The following RXRA variants were observed in gnomAD, a reference collection of about 807,000 sequenced individuals.
RXRA encodes the protein retinoic acid receptor RXR-alpha.
In RXRA, 5 loss-of-function variants were observed where a neutral mutation model predicts 44.5. The observed-to-expected ratio is 0.11, with a 90% CI of 0.06 to 0.24. RXRA has a LOEUF of 0.24. Ranked by LOEUF, RXRA falls within the 10% of genes least tolerant of loss-of-function variation. RXRA has a pLI of 1.00. For synonymous variants in RXRA, 291 were observed against 271.4 expected, an observed-to-expected ratio of 1.07 and a Z score of -0.71; for missense variants, 412 against 646.5, an observed-to-expected ratio of 0.64 and a Z score of 3.93.
rs555813163 is a variant in RXRA, at chr9:134,411,663, C to T, written c.610+2544C>T. On this transcript the variant is annotated intron_variant, in intron 4 of 9. Transcript: ENST00000481739. ...CAAGGGACCTCCTCCCCTTTGCCTC[C>T]AGCAGGATTCTGAGGCGTGAACTTG... Among the ~76,000 whole-genome samples, 128 of 152,356 alleles carry T rather than the reference C, an allele frequency of 8.4e-4. 1 individual carries two copies. The highest frequency in any genetic ancestry group is 2.9e-3 in the African/African-American group (120 of 41,594).
rs1830111246 is a variant in RXRA at position 134,343,527 on chromosome 9, GT to G, written c.28+16870del. 1.3e-5 allele frequency among the ~76,000 whole-genome samples: 2 copies of G among 152,130 alleles called. No homozygotes were observed. Among genetic ancestry groups the G allele is most frequent in the African/African-American group, 2.4e-5 (1 of 41,404 alleles). On this transcript the variant is annotated intron_variant, in intron 1 of 9. Transcript: ENST00000481739. The surrounding 1 kb of genome is among the most constrained non-coding windows in gnomAD (Gnocchi z 4.1). Reference sequence around the variant, plus strand: ...AAGAAGCATTTTTTTGGGAGGAGTGGTTGCAGGGGCAGCTAGTTCTGGAACC... The same window carrying G: ...AAGAAGCATTTTTTTGGGAGGAGTGGTGCAGGGGCAGCTAGTTCTGGAACC...
At chr9:134,355,775 C>G (rs1280575396) in intron 1 of RXRA, among the ~76,000 whole-genome samples, 1 of 152,206 alleles carries the variant, frequency 6.6e-6, no homozygotes, top group African/African-American at 2.4e-5. Flanking sequence ...AGGTAGGGAC[C>G]TGGCCCGTTG....
intron 1 of RXRA, among the ~76,000 whole-genome samples, chr9:134,375,146 G>A (rs1830540340): frequency 6.6e-6 from 1 of 152,254 alleles, no homozygotes; most frequent in African/African-American, 2.4e-5. Flanking sequence ...CCAGGCTGGA[G>A]TGAGCCAGGA....
chr9:134,391,963 G>A (rs1227427072), intron 1 of RXRA, among the ~76,000 whole-genome samples: 2 of 152,240 alleles, frequency 1.3e-5, no homozygotes, highest in African/African-American at 2.4e-5. Context: ...ATGTTGGCCT[G>A]GCGTGCACCT....
intron 1 of RXRA, among the ~76,000 whole-genome samples, chr9:134,329,001 C>A (rs566662584): frequency 6.6e-6 from 1 of 152,230 alleles, no homozygotes; most frequent in Non-Finnish European, 1.5e-5. Context: ...CCCTGCTGCC[C>A]GGGGCTGGCC....
At chr9:134,408,087 G>C (rs1222272923) in intron 2 of RXRA, 62 bp from the exon 3 acceptor site, 1 of 1,331,070 alleles carries the variant, frequency 7.5e-7, no homozygotes, top group Non-Finnish European at 1.0e-6. Context: ...CTGCAGGGCC[G>C]TGGGGGACAT....
In RXRA at chr9:134,417,312, G is replaced by A; in HGVS notation, c.765G>A (p.Gly255=). The A allele has an allele frequency of 1.2e-6, 2 of 1,613,672 alleles. No homozygotes were observed. The highest frequency in any genetic ancestry group is 1.1e-5 in the South Asian group (1 of 91,086). Residue 255 remains glycine (G), a synonymous_variant, in exon 5 of 10, where the codon GGG becomes GGA. Transcript: ENST00000481739. This position sits in a 1 kb window ranked among gnomAD's most constrained non-coding sequence, Gnocchi z 6.1. ...KTETYVEANM[G]LNPSSPNDPV... ...AGACCTACGTGGAGGCAAACATGGG[G>A]CTGAACCCCAGCTCGGTGAGTTGCA...
At chr9:134,334,739 G>A (rs144168112) in intron 1 of RXRA, among the ~76,000 whole-genome samples, 203 of 152,332 alleles carry the variant, frequency 1.3e-3, no homozygotes, top group African/African-American at 4.5e-3. Context: ...TGGTCAGGGT[G>A]GCACCCTGGG....
chr9:134,422,632 C>T (rs1272510768), intron 6 of RXRA: 10 of 919,602 alleles, frequency 1.1e-5, no homozygotes, highest in South Asian at 4.8e-5. Context: ...CGGGACACTC[C>T]CCTCTCCCCG....
intron 1 of RXRA, among the ~76,000 whole-genome samples, chr9:134,333,642 C>T (rs540017738): frequency 1.3e-5 from 2 of 152,206 alleles, no homozygotes; most frequent in South Asian, 2.1e-4. Context: ...ACTGATTCAA[C>T]AGGCTTCCTG....
rs185406837 is a variant in RXRA at position 134,331,183 on chromosome 9, A to G, written c.28+4524A>G. Among the ~76,000 whole-genome samples the G allele has an allele frequency of 7.0e-4, 107 of 152,310 alleles. 3 individuals are homozygous for G. In the East Asian group the frequency reaches 0.02, roughly 28 times the overall value. Reference sequence around the variant, plus strand: ...TCCAGGGACCCTCCTCAGAGTCCCAAGAAGGCAGGTGGGGCGAGGGACCGC... The same window carrying G: ...TCCAGGGACCCTCCTCAGAGTCCCAGGAAGGCAGGTGGGGCGAGGGACCGC... On this transcript the variant is annotated intron_variant, in intron 1 of 9. Coordinates refer to ENST00000481739, the MANE Select transcript of RXRA (RefSeq NM_002957.6).
chr9:134,424,141 G>C, intron 6 of RXRA: 2 of 985,396 alleles, frequency 2.0e-6, no homozygotes, highest in Non-Finnish European at 2.4e-6. Context: ...GGAGTGCAGT[G>C]CTGAGGTTAG....
chr9:134,373,900 C>T (rs1830520142), intron 1 of RXRA: 1 of 152,262 alleles, frequency 6.6e-6, no homozygotes, highest in African/African-American at 2.4e-5. Flanking sequence ...GACGTGAACT[C>T]CTGGGCTCAA....
At position 134,326,679 on chromosome 9, in the gene RXRA, G is replaced by A; in HGVS notation, c.28+20G>A. 1 of 896,422 alleles carries A rather than the reference G, an allele frequency of 1.1e-6. No homozygotes were observed. The highest frequency in any genetic ancestry group is 1.3e-6 in the Non-Finnish European group (1 of 751,862). The allele number at this position is 896,422 out of a possible 1,614,324, so 55.5% of individuals were successfully genotyped here. On this transcript the variant is annotated intron_variant, in intron 1 of 9. Coordinates refer to ENST00000481739, the MANE Select transcript of RXRA (RefSeq NM_002957.6). ...CGCTCGGTGAGTGCTCGCCGGGCCG[G>A]GCGGGGACGGGGCCGGGGGCCGGGG...
At chr9:134,350,916 G>A (rs1015076161) in intron 1 of RXRA, among the ~76,000 whole-genome samples, 1 of 152,236 alleles carries the variant, frequency 6.6e-6, no homozygotes, top group Admixed American at 6.5e-5. Context: ...CAGCACCTCG[G>A]CTGTGTGATG....
Position 134,438,037 on chromosome 9 carries a change from C to T in RXRA, c.*1423C>T, listed in dbSNP as rs954070894. ...GTGCGGGGCCCTCTCAGGTTGAACTCGCCTCTTTTGCACTGGAAGGCCCTC... is the reference window on the plus strand; with the variant it reads ...GTGCGGGGCCCTCTCAGGTTGAACTTGCCTCTTTTGCACTGGAAGGCCCTC... On this transcript the variant is annotated 3_prime_UTR_variant, in exon 10 of 10. Transcript: ENST00000481739. 2 of 152,616 alleles carry T rather than the reference C, an allele frequency of 1.3e-5. No individual in the cohort carries two copies. The highest frequency in any genetic ancestry group is 1.9e-4 in the East Asian group (1 of 5,186). The allele number at this position is 152,616 out of a possible 1,614,324, so 9.5% of individuals were successfully genotyped here. A position where few individuals can be genotyped will look rare whatever the true frequency, so the allele number is the denominator to read the frequency against.
chr9:134,327,101 G>T (rs1449429520), intron 1 of RXRA, among the ~76,000 whole-genome samples: 3 of 152,164 alleles, frequency 2.0e-5, no homozygotes, highest in South Asian at 4.1e-4. Flanking sequence ...CCGCCCGTCG[G>T]GCTGCGGCTT....
chr9:134,420,359 G>T (rs1831308786), intron 5 of RXRA, among the ~76,000 whole-genome samples: 1 of 152,220 alleles, frequency 6.6e-6, no homozygotes, highest in African/African-American at 2.4e-5. Flanking sequence ...GAGTGCTGGG[G>T]GCTGTGGCTG....
chr9:134,356,233 T>G (rs1199388252), intron 1 of RXRA, among the ~76,000 whole-genome samples: 3 of 152,064 alleles, frequency 2.0e-5, no homozygotes, highest in Non-Finnish European at 4.4e-5. Flanking sequence ...AGGGGAACTG[T>G]GTCAGGCTCT....
Sources: gnomAD v4.1 joint callset for allele counts (sites outside exome capture counted in the v4.1 genomes callset) on GRCh38, gnomAD v4.1.1 for gene constraint, Gnocchi (gnomAD v3.1) non-coding constraint, MANE v1.5 for transcripts, NCBI Gene and HGNC (gene_info 2026-07-23, HGNC 2026-07-21) for gene names.